The following HIBCH variants were observed in gnomAD, a reference collection of about 807,000 sequenced individuals.
The protein encoded by HIBCH is 3-hydroxyisobutyryl-CoA hydrolase, mitochondrial.
Under a neutral mutation model 58.2 loss-of-function variants are expected in HIBCH, and 50 were observed. The ratio of observed to expected loss-of-function variants is 0.86; its 90% CI spans 0.68 to 1.09. HIBCH has a LOEUF of 1.09. Among genes scored for constraint, HIBCH ranks in the 50% least tolerant of loss-of-function variants. The probability of loss-of-function intolerance (pLI) is 0.00; values close to 1 mark genes in which losing one functional copy is unlikely to be tolerated. For missense variants in HIBCH, 450 were observed against 449.7 expected, an observed-to-expected ratio of 1.00 and a Z score of -0.01; for synonymous variants, 151 against 146.9, an observed-to-expected ratio of 1.03 and a Z score of -0.20.
intron 11 of HIBCH, among the ~76,000 whole-genome samples, chr2:190,223,888 G>A (rs60068799): frequency 0.25 from 37,823 of 152,154 alleles, 5,063 homozygotes; most frequent in African/African-American, 0.32. Flanking sequence ...GAGGTACCAC[G>A]TTCATCTCAC....
chr2:190,275,678 A>G (rs1482499028), intron 6 of HIBCH, among the ~76,000 whole-genome samples: 2 of 152,254 alleles, frequency 1.3e-5, no homozygotes, highest in African/African-American at 4.8e-5. Flanking sequence ...AGATATCAAC[A>G]GTTTACAAAT....
rs182512422 is a variant in HIBCH at position 190,294,665 on chromosome 2, T to C, written c.220-35A>G. ...TGTAACAGAAGATGGTATAAGCATA[T>C]TATAAACACAAACTCATTAAAGTTA... On this transcript the variant is annotated intron_variant, in intron 3 of 13. Transcript: ENST00000359678. The C allele has an allele frequency of 4.5e-4, 621 of 1,388,232 alleles. 3 individuals carry two copies. In the African/African-American group the frequency reaches 5.2e-3, roughly 12 times the overall value. 86.0% of individuals were successfully genotyped at this position (1,388,232 alleles called of 1,614,324 possible).
At chr2:190,289,112 A>G (rs892715848) in intron 5 of HIBCH, among the ~76,000 whole-genome samples, 1 of 152,168 alleles carries the variant, frequency 6.6e-6, no homozygotes, top group Non-Finnish European at 1.5e-5. Flanking sequence ...CTCTCTCTTA[A>G]AAGATAAATA....
At position 190,314,271 on chromosome 2, in the gene HIBCH, C is replaced by CAAA. The variant is rs9288170; in HGVS notation, c.36-3478_36-3476dup. 3.9e-3 allele frequency among the ~76,000 whole-genome samples: 517 copies of CAAA among 132,442 alleles called. 9 individuals carry two copies. Among genetic ancestry groups the CAAA allele is most frequent in the African/African-American group, 0.012 (432 of 34,570 alleles). The allele number at this position is 132,442 out of a possible 152,430, so 86.9% of individuals were successfully genotyped here. A position where few individuals can be genotyped will look rare whatever the true frequency, so the allele number is the denominator to read the frequency against. On this transcript the variant is annotated intron_variant, in intron 1 of 13. Transcript: ENST00000359678. ...ACAAAAATCTGTGGACCAGTTACTA[C>CAAA]AAAAAAAATATATATATATGTATAT... is the stretch of plus-strand genomic sequence containing the variant.
chr2:190,267,038 G>T (rs1233579890), intron 6 of HIBCH, among the ~76,000 whole-genome samples: 1 of 151,700 alleles, frequency 6.6e-6, no homozygotes, highest in Non-Finnish European at 1.5e-5. Context: ...ATTACAGGCA[G>T]GAGCCACTGT....
At position 190,225,663 on chromosome 2, in the gene HIBCH, G is replaced by A. The variant is rs558755552; in HGVS notation, c.892-12588C>T. Among the ~76,000 whole-genome samples the A allele has an allele frequency of 6.0e-4, 92 of 152,198 alleles. No homozygotes were observed. In the South Asian group the frequency reaches 0.016, roughly 26 times the overall value. On this transcript the variant is annotated intron_variant, in intron 11 of 13. Coordinates refer to ENST00000359678, the MANE Select transcript of HIBCH (RefSeq NM_014362.4). Reference sequence around the variant, plus strand: ...AACCGAAAAAACTCCAGGACCAGACGGATTCATAGCCGAATTCTACCAGAG... The same window carrying A: ...AACCGAAAAAACTCCAGGACCAGACAGATTCATAGCCGAATTCTACCAGAG...
chr2:190,273,251 G>T (rs1687453181), intron 6 of HIBCH, among the ~76,000 whole-genome samples: 1 of 152,128 alleles, frequency 6.6e-6, no homozygotes, highest in South Asian at 2.1e-4. Flanking sequence ...AAATTAGCCA[G>T]GTGTGGTGGC....
At chr2:190,240,252 A>C (rs894219686) in intron 11 of HIBCH, among the ~76,000 whole-genome samples, 1 of 152,124 alleles carries the variant, frequency 6.6e-6, no homozygotes, top group Admixed American at 6.5e-5. Context: ...CCAGGAATTT[A>C]TCCATTTCTT....
chr2:190,264,381 T>A (rs1687174734), intron 6 of HIBCH, among the ~76,000 whole-genome samples: 1 of 152,124 alleles, frequency 6.6e-6, no homozygotes, highest in Admixed American at 6.6e-5. Context: ...CAATGAATTA[T>A]CCTCAAATGA....
rs574814282 is a variant in HIBCH at position 190,211,997 on chromosome 2, T to C, written c.1011+959A>G. 5.4e-4 allele frequency among the ~76,000 whole-genome samples: 82 copies of C among 152,350 alleles called. No individual in the cohort carries two copies. Among genetic ancestry groups the C allele is most frequent in the Non-Finnish European group, 9.6e-4 (65 of 68,030 alleles). On this transcript the variant is annotated intron_variant, in intron 12 of 13. Coordinates refer to ENST00000359678, the MANE Select transcript of HIBCH (RefSeq NM_014362.4). This position sits in a 1 kb window ranked among gnomAD's most constrained non-coding sequence, Gnocchi z 5.0. ...ACTGGAGTAAGACTGCCTGGTTTCA[T>C]ATGCCATATCTCTGTCACTTAATAG... is the stretch of plus-strand genomic sequence containing the variant.
At chr2:190,195,576 T>C (rs1234056908) in intron 1 of HIBCH, among the ~76,000 whole-genome samples, 1 of 152,256 alleles carries the variant, frequency 6.6e-6, no homozygotes, top group East Asian at 1.9e-4. Context: ...GAGGTGTCTG[T>C]CCAGATCTTT....
At chr2:190,222,880 A>G (rs1685764306) in intron 11 of HIBCH, among the ~76,000 whole-genome samples, 1 of 152,268 alleles carries the variant, frequency 6.6e-6, no homozygotes, top group African/African-American at 2.4e-5. Context: ...CCAAATGTCC[A>G]TCAATGACAG....
At chr2:190,246,051 C>A in intron 10 of HIBCH, 103 bp downstream of exon 10, 1 of 692,350 alleles carries the variant, frequency 1.4e-6, no homozygotes, top group South Asian at 1.6e-5. Context: ...ATTCAGTGCA[C>A]TATCAAACAC....
downstream of HIBCH, chr2:190,201,059 T>A (rs1690223966): frequency 1.2e-5 from 2 of 166,804 alleles, no homozygotes; most frequent in African/African-American, 4.8e-5. Context: ...ATAGACCAGA[T>A]AATGCATGAA....
At chr2:190,213,592 A>T (rs536177564) in intron 11 of HIBCH, 1 of 166,192 alleles carries the variant, frequency 6.0e-6, no homozygotes, top group Admixed American at 5.8e-5. Flanking sequence ...CCCGAACCAA[A>T]GAAGTTTAGC....
chr2:190,200,701 G>A (rs916442304), downstream of HIBCH: 1 of 169,734 alleles, frequency 5.9e-6, no homozygotes, highest in Non-Finnish European at 1.4e-5. Context: ...GATGAGAAGT[G>A]TAACTACCAC....
Position 190,249,640 on chromosome 2 carries a change from C to T in HIBCH, c.750G>A (p.Glu250=), listed in dbSNP as rs1006248346. 3 of 1,548,308 alleles carry T rather than the reference C, an allele frequency of 1.9e-6. No homozygotes were observed. Among genetic ancestry groups the T allele is most frequent in the East Asian group, 2.3e-5 (1 of 44,434 alleles). ...GAGGTTAGAATATTAACAAGATTACCTCTGTATGGTAATTTTCTAAGACAG... is the reference window on the plus strand; with the variant it reads ...GAGGTTAGAATATTAACAAGATTACTTCTGTATGGTAATTTTCTAAGACAG... ...IASVLENYHT[E]SKIDRDKSFI... Residue 250 remains glutamate (E), a splice_region_variant and synonymous_variant, in exon 9 of 14, where the codon GAG becomes GAA. Coordinates refer to ENST00000359678, the MANE Select transcript of HIBCH (RefSeq NM_014362.4).
chr2:190,307,382 T>C (rs1269126344), intron 2 of HIBCH, among the ~76,000 whole-genome samples: 1 of 152,218 alleles, frequency 6.6e-6, no homozygotes, highest in Non-Finnish European at 1.5e-5. Flanking sequence ...TGTTTAAGAA[T>C]TTAAAATAGA....
At chr2:190,205,936 T>C (rs1365336835) in intron 13 of HIBCH, among the ~76,000 whole-genome samples, 1 of 152,120 alleles carries the variant, frequency 6.6e-6, no homozygotes, top group Non-Finnish European at 1.5e-5. Context: ...GGAGACTGGG[T>C]GGAAGGTATG....
Sources: gnomAD v4.1 joint callset for allele counts (sites outside exome capture counted in the v4.1 genomes callset) on GRCh38, gnomAD v4.1.1 for gene constraint, Gnocchi (gnomAD v3.1) non-coding constraint, MANE v1.5 for transcripts, NCBI Gene and HGNC (gene_info 2026-07-23, HGNC 2026-07-21) for gene names.